The following FGF13 variants were observed in gnomAD, a reference collection of about 807,000 sequenced individuals.
FGF13 encodes the protein fibroblast growth factor homologous factor 2.
Under a neutral mutation model 19.5 loss-of-function variants are expected in FGF13, and 2 were observed. The observed-to-expected ratio is 0.10, with a 90% confidence interval of 0.04 to 0.32. FGF13 has a LOEUF of 0.32. Among genes scored for constraint, FGF13 ranks in the 10% least tolerant of loss-of-function variants. The probability of loss-of-function intolerance (pLI) is 1.00; values close to 1 mark genes in which losing one functional copy is unlikely to be tolerated. For missense variants in FGF13, 113 were observed against 192.7 expected (o/e 0.59, Z 2.45); for synonymous variants, 72 against 76.9 (o/e 0.94, Z 0.33).
intron 1 of FGF13, among the ~76,000 whole-genome samples, chrX:138,880,225 T>G (rs1325598091): frequency 8.9e-6 from 1 of 112,079 alleles, no homozygotes; most frequent in African/African-American, 3.2e-5. Flanking sequence ...GCTTTTACAC[T>G]GTTGATGGGA....
chrX:138,755,640 T>C (rs779004693), intron 3 of FGF13, among the ~76,000 whole-genome samples: 23 of 112,609 alleles, frequency 2.0e-4, no homozygotes, highest in African/African-American at 7.4e-4. Context: ...GAAATCACCC[T>C]GAACTGTGAA....
At chrX:138,666,709 G>A (rs2089549674) in intron 3 of FGF13, among the ~76,000 whole-genome samples, 1 of 111,163 alleles carries the variant, frequency 9.0e-6, no homozygotes. Context: ...ATTTTAAAGT[G>A]TTAGATATAG....
In FGF13 at chrX:138,629,819, T is replaced by G. The variant is rs1046135214; in HGVS notation, c.*3031A>C. 1 of 111,649 alleles carries G rather than the reference T, an allele frequency of 9.0e-6. No individual in the cohort carries two copies. The highest frequency in any genetic ancestry group is 1.9e-5 in the Non-Finnish European group (1 of 53,184). The allele number at this position is 111,649 out of a possible 1,213,427, so 9.2% of individuals were successfully genotyped here. ...ACACAAGACTCACTCAATCAGAAAC[T>G]CTGAAGGTGAAGTCCAGTGATCTGA... On this transcript the variant is annotated 3_prime_UTR_variant, in exon 5 of 5. Transcript: ENST00000315930.
chrX:139,079,705 T>C (rs2083356952), intron 1 of FGF13, among the ~76,000 whole-genome samples: 1 of 111,234 alleles, frequency 9.0e-6, no homozygotes, highest in South Asian at 3.8e-4. Context: ...AACTTTAACA[T>C]GTAAAGTCTT....
At chrX:138,944,504 A>T (rs675461) in intron 1 of FGF13, among the ~76,000 whole-genome samples, 91 of 29,908 alleles carry the variant, frequency 3.0e-3, no homozygotes, top group Middle Eastern at 0.014. Context: ...TCTGAGCAAA[A>T]AAAAAGAAAA....
chrX:139,085,163 C>A (rs922574088), intron 1 of FGF13, among the ~76,000 whole-genome samples: 1 of 111,683 alleles, frequency 9.0e-6, no homozygotes. Context: ...ATAACTGGTG[C>A]GGAATCTAAA....
intron 1 of FGF13, among the ~76,000 whole-genome samples, chrX:139,189,121 C>G (rs968391073): frequency 1.8e-5 from 2 of 109,782 alleles, no homozygotes; most frequent in East Asian, 5.7e-4. Flanking sequence ...ACATAATAGA[C>G]CCAAGAGGAC....
chrX:138,630,895 G>A lies in FGF13; in HGVS notation c.*1955C>T, dbSNP rs781015052. 6 of 111,991 alleles carry A rather than the reference G, an allele frequency of 5.4e-5. No individual in the cohort carries two copies. In the East Asian group the frequency reaches 8.5e-4, roughly 16 times the overall value. The allele number at this position is 111,991 out of a possible 1,213,427, so 9.2% of individuals were successfully genotyped here. ...AGCCTACTTTAAATGTGCTTAGAAC[G>A]CTTATATTAGCTTACAGTTGGACAA... On this transcript the variant is annotated 3_prime_UTR_variant, in exon 5 of 5. Coordinates refer to ENST00000315930, the MANE Select transcript of FGF13 (RefSeq NM_004114.5).
At position 138,843,664 on chromosome X, in the gene FGF13, C is replaced by T. The variant is rs374175551; in HGVS notation, c.217+13848G>A. On this transcript the variant is annotated intron_variant, in intron 3 of 6. Coordinates refer to the FGF13 transcript ENST00000436198. Reference sequence around the variant, plus strand: ...GAAATGGGTAGTATCCTAATACAGTCTGAATTAAGGGACAATCCAAGTGCA... The same window carrying T: ...GAAATGGGTAGTATCCTAATACAGTTTGAATTAAGGGACAATCCAAGTGCA... Among the ~76,000 whole-genome samples the T allele has an allele frequency of 2.7e-5, 3 of 111,583 alleles. No homozygotes were observed. In the East Asian group the frequency reaches 8.5e-4, roughly 32 times the overall value.
chrX:138,853,622 T>TGTGC (rs745548610), downstream of FGF13, among the ~76,000 whole-genome samples: 7 of 53,533 alleles, frequency 1.3e-4, no homozygotes, highest in East Asian at 8.4e-4. Flanking sequence ...TGCGTGTGCG[T>TGTGC]GTGTGTGTGT....
chrX:138,802,752 T>C (rs1218061993), intron 3 of FGF13, among the ~76,000 whole-genome samples: 1 of 111,305 alleles, frequency 9.0e-6, no homozygotes, highest in Non-Finnish European at 1.9e-5. Context: ...ACAGGGATTC[T>C]ATCCCTGACT....
chrX:139,000,032 T>C (rs2092065033), intron 1 of FGF13, among the ~76,000 whole-genome samples: 1 of 111,950 alleles, frequency 8.9e-6, no homozygotes, highest in South Asian at 3.7e-4. Flanking sequence ...TGGTTCAACA[T>C]ACACAAATCA....
intron 1 of FGF13, among the ~76,000 whole-genome samples, chrX:139,159,187 G>C (rs761156880): frequency 1.1e-3 from 123 of 112,049 alleles, no homozygotes; most frequent in Non-Finnish European, 1.7e-3. Flanking sequence ...CATTCTTAAA[G>C]AAAAGAATTT....
rs1254055991 is a variant in FGF13 at position 138,631,501 on chromosome X, A to G, written c.*1349T>C. The G allele has an allele frequency of 3.6e-5, 4 of 112,640 alleles. No individual in the cohort carries two copies. Among genetic ancestry groups the G allele is most frequent in the African/African-American group, 1.3e-4 (4 of 30,947 alleles). 9.3% of individuals were successfully genotyped at this position (112,640 alleles called of 1,213,427 possible). A position where few individuals can be genotyped will look rare whatever the true frequency, so the allele number is the denominator to read the frequency against. ...ACAGTGACCTTATCTGCATTATACAATGTTTACTTCCAGTTGCTACTTCAG... is the reference window on the plus strand; with the variant it reads ...ACAGTGACCTTATCTGCATTATACAGTGTTTACTTCCAGTTGCTACTTCAG... On this transcript the variant is annotated 3_prime_UTR_variant, in exon 5 of 5. Coordinates refer to ENST00000315930, the MANE Select transcript of FGF13 (RefSeq NM_004114.5).
downstream of FGF13, among the ~76,000 whole-genome samples, chrX:138,853,608 T>TGTGTGC (rs1280574050): frequency 1.1e-5 from 1 of 87,603 alleles, no homozygotes; most frequent in Non-Finnish European, 2.3e-5. Context: ...AATGTGTGTG[T>TGTGTGC]GTGTGCGTGT....
intron 1 of FGF13, among the ~76,000 whole-genome samples, chrX:139,164,738 T>C (rs1304217722): frequency 1.1e-5 from 1 of 94,253 alleles, no homozygotes; most frequent in Non-Finnish European, 2.1e-5. Context: ...TGGAGAATTC[T>C]ATTAAAAAAT....
intron 1 of FGF13, among the ~76,000 whole-genome samples, chrX:139,117,960 A>T (rs780847362): frequency 1.3e-3 from 145 of 111,946 alleles, no homozygotes; most frequent in Non-Finnish European, 2.0e-3. Context: ...GATCTCAAGA[A>T]CAAGGCACAG....
chrX:138,859,513 A>G (rs2091277361), intron 2 of FGF13, among the ~76,000 whole-genome samples: 1 of 112,448 alleles, frequency 8.9e-6, no homozygotes, highest in Non-Finnish European at 1.9e-5. Context: ...GTGACAGATA[A>G]CAGTAAACTG....
chrX:138,877,233 T>C (rs188498835), intron 1 of FGF13, among the ~76,000 whole-genome samples: 2 of 110,528 alleles, frequency 1.8e-5, no homozygotes, highest in East Asian at 5.7e-4. Context: ...ATTCTGTTTT[T>C]TTTTTAAGAA....
Sources: gnomAD v4.1 joint callset for allele counts (sites outside exome capture counted in the v4.1 genomes callset) on GRCh38, gnomAD v4.1.1 for gene constraint, MANE v1.5 for transcripts, NCBI Gene and HGNC (gene_info 2026-07-23, HGNC 2026-07-21) for gene names.